Variants in NRG4 observed in about 807,000 individuals in gnomAD.
NRG4 encodes the protein pro-neuregulin-4, membrane-bound isoform.
In NRG4, 10 loss-of-function variants were observed where a neutral mutation model predicts 15.0. The ratio of observed to expected loss-of-function variants is 0.67; its 90% confidence interval spans 0.41 to 1.13. NRG4 has a LOEUF of 1.13. Ranked by LOEUF, NRG4 falls within the 50% of genes most tolerant of loss-of-function variation. The pLI, the probability that NRG4 is intolerant of heterozygous loss-of-function variation, is 0.00. For synonymous variants in NRG4, 41 were observed against 50.1 expected (o/e 0.82, Z 0.77); for missense variants, 139 against 140.2 (o/e 0.99, Z 0.04).
chr15:75,971,879 T>C (rs2033111598), intron 3 of NRG4, among the ~76,000 whole-genome samples: 1 of 152,230 alleles, frequency 6.6e-6, no homozygotes. Flanking sequence ...TTTGGCTATA[T>C]ACCCAGTAAT....
intron 3 of NRG4, among the ~76,000 whole-genome samples, chr15:75,983,943 A>C (rs2033697889): frequency 6.6e-6 from 1 of 152,204 alleles, no homozygotes; most frequent in Non-Finnish European, 1.5e-5. Context: ...AAATAAATTC[A>C]ATCTTATAAA....
intron 2 of NRG4, 138 bp downstream of exon 2, chr15:76,011,083 A>G: frequency 1.3e-6 from 1 of 743,108 alleles, no homozygotes; most frequent in Non-Finnish European, 1.9e-6. Context: ...CATATTTGAA[A>G]TATTAATTTC....
At chr15:75,949,124 T>C (rs2031723815) in intron 5 of NRG4, among the ~76,000 whole-genome samples, 4 of 152,156 alleles carry the variant, frequency 2.6e-5, no homozygotes, top group Admixed American at 6.5e-5. Flanking sequence ...CACAATCCCA[T>C]TGTAGAATAA....
chr15:76,031,035 C>T (rs868512056), intron 5 of NRG4, among the ~76,000 whole-genome samples: 2 of 152,090 alleles, frequency 1.3e-5, no homozygotes, highest in South Asian at 2.1e-4. Flanking sequence ...TATATCATGA[C>T]CAGTAGGGTT....
rs964590253 is a variant in NRG4, at chr15:76,046,107, T to C, written c.-105+5960A>G. ...ATAAAGCAATTTCATTTACAATAAC[T>C]ACAAAAATATATAAAATACCTAGGA... On this transcript the variant is annotated intron_variant, in intron 4 of 8. Transcript: ENST00000563910. 3.3e-5 allele frequency among the ~76,000 whole-genome samples: 5 copies of C among 150,552 alleles called. 1 individual carries two copies. Among genetic ancestry groups the C allele is most frequent in the African/African-American group, 1.2e-4 (5 of 40,262 alleles).
upstream of NRG4, among the ~76,000 whole-genome samples, chr15:76,017,017 G>A (rs1481865468): frequency 6.6e-6 from 1 of 152,022 alleles, no homozygotes; most frequent in Non-Finnish European, 1.5e-5. Flanking sequence ...TCCTGTATTG[G>A]GTGCATATAT....
chr15:76,029,841 T>G (rs2035424442), intron 5 of NRG4, among the ~76,000 whole-genome samples: 1 of 152,192 alleles, frequency 6.6e-6, no homozygotes, highest in Non-Finnish European at 1.5e-5. Flanking sequence ...AAAATAATCA[T>G]ACTACCCAAG....
chr15:75,974,860 T>A (rs2033292967), intron 3 of NRG4, among the ~76,000 whole-genome samples: 1 of 152,198 alleles, frequency 6.6e-6, no homozygotes, highest in Admixed American at 6.5e-5. Flanking sequence ...TCTGTAGACG[T>A]CTATTAGGTC....
intron 3 of NRG4, among the ~76,000 whole-genome samples, chr15:75,965,501 C>G (rs1348423702): frequency 6.6e-6 from 1 of 152,100 alleles, no homozygotes; most frequent in Admixed American, 6.5e-5. Context: ...GATAAACAAT[C>G]TTATCATTGT....
In NRG4 at chr15:76,045,595, TA is replaced by T. The variant is rs1010300890; in HGVS notation, c.-105+6471del. Among the ~76,000 whole-genome samples the T allele has an allele frequency of 7.3e-5, 11 of 150,576 alleles. 1 individual carries two copies. In the South Asian group the frequency reaches 8.3e-4, roughly 11 times the overall value. ...CATACAATGGAGTACTATTCAGCCA[TA>T]AAAAAAAGAATGAGATCCTATCATT... On this transcript the variant is annotated intron_variant, in intron 4 of 8. Coordinates refer to the NRG4 transcript ENST00000563910.
intron 4 of NRG4, among the ~76,000 whole-genome samples, chr15:76,045,860 A>G (rs1201499778): frequency 6.6e-6 from 1 of 151,020 alleles, no homozygotes; most frequent in Non-Finnish European, 1.5e-5. Flanking sequence ...AATAAGACCT[A>G]GTATTTGCTA....
chr15:76,019,905 C>A (rs927520110), intron 5 of NRG4, among the ~76,000 whole-genome samples: 5 of 152,204 alleles, frequency 3.3e-5, no homozygotes, highest in Non-Finnish European at 1.5e-5. Flanking sequence ...TTGCACTTTG[C>A]AGATATTGTT....
chr15:75,991,907 C>T (rs747296028), intron 3 of NRG4, among the ~76,000 whole-genome samples: 19 of 151,966 alleles, frequency 1.3e-4, no homozygotes, highest in Admixed American at 5.9e-4. Flanking sequence ...GTTGGTCTAC[C>T]ATCCCACTGT....
At chr15:76,030,441 C>G (rs1426041964) in intron 5 of NRG4, among the ~76,000 whole-genome samples, 2 of 152,146 alleles carry the variant, frequency 1.3e-5, no homozygotes, top group Non-Finnish European at 2.9e-5. Context: ...TATGCTTCTA[C>G]AGCCACCTGA....
intron 5 of NRG4, among the ~76,000 whole-genome samples, chr15:76,020,665 C>T (rs1280072029): frequency 6.6e-6 from 1 of 152,222 alleles, no homozygotes; most frequent in Non-Finnish European, 1.5e-5. Context: ...TGTTGTGTGG[C>T]ATTCAAAGCC....
chr15:76,019,799 C>T (rs2035098146), intron 5 of NRG4, among the ~76,000 whole-genome samples: 1 of 152,116 alleles, frequency 6.6e-6, no homozygotes, highest in Non-Finnish European at 1.5e-5. Context: ...GGCCATCTTG[C>T]CAGCCACCCA....
downstream of NRG4, chr15:75,936,665 C>G (rs1327393230): frequency 6.6e-6 from 1 of 152,134 alleles, no homozygotes; most frequent in African/African-American, 2.4e-5. Context: ...ACCTCCACCT[C>G]CTGGGTTCAA....
intron 5 of NRG4, among the ~76,000 whole-genome samples, chr15:76,034,025 C>T (rs1027886997): frequency 2.6e-5 from 4 of 152,198 alleles, no homozygotes; most frequent in Non-Finnish European, 4.4e-5. Flanking sequence ...CTTCTCACAC[C>T]TATGCATTAA....
chr15:75,943,749 A>G (rs1002273480), intron 5 of NRG4, 95 bp from the exon 6 acceptor site: 4 of 796,660 alleles, frequency 5.0e-6, no homozygotes, highest in South Asian at 1.6e-5. Context: ...CTTCACATAT[A>G]TAAGCCAACC....
Sources: gnomAD v4.1 joint callset for allele counts (sites outside exome capture counted in the v4.1 genomes callset) on GRCh38, gnomAD v4.1.1 for gene constraint, MANE v1.5 for transcripts, NCBI Gene and HGNC (gene_info 2026-07-23, HGNC 2026-07-21) for gene names.